Variants in ARL2 observed in about 807,000 individuals in gnomAD.
ARL2 encodes the protein ADP-ribosylation factor-like protein 2.
Under a neutral mutation model 22.0 loss-of-function variants are expected in ARL2, and 11 were observed. The ratio of observed to expected loss-of-function variants is 0.50; its 90% CI spans 0.31 to 0.83. The LOEUF (loss-of-function observed/expected upper bound fraction) is 0.83. Among genes scored for constraint, ARL2 ranks in the 40% least tolerant of loss-of-function variants. The pLI is 0.04. For synonymous variants in ARL2, 111 were observed against 100.8 expected (o/e 1.10, Z -0.61); for missense variants, 216 against 243.2 (o/e 0.89, Z 0.74).
intron 4 of ARL2, among the ~76,000 whole-genome samples, chr11:65,020,755 G>C (rs1168521252): frequency 3.3e-5 from 5 of 151,976 alleles, no homozygotes; most frequent in African/African-American, 1.2e-4. Flanking sequence ...TGTAAGCCCA[G>C]CTACTCAGGA....
At chr11:65,014,398 C>T (rs2136898450) in intron 1 of ARL2, 126 bp downstream of exon 1, 2 of 733,760 alleles carry the variant, frequency 2.7e-6, no homozygotes, top group Middle Eastern at 3.3e-4. Context: ...CGTCACCACG[C>T]GGGCCCCATC....
intron 1 of ARL2, 71 bp downstream of exon 1, chr11:65,014,343 G>T: frequency 7.4e-7 from 1 of 1,351,122 alleles, no homozygotes; most frequent in Non-Finnish European, 9.9e-7. Flanking sequence ...GGCGCCCCCT[G>T]TCGGGAGCGG....
Position 65,018,747 on chromosome 11 carries a change from A to G in ARL2, c.339+14A>G, listed in dbSNP as rs773198920. ...CTGGTGGAGGAGGTGGGCAGCTCCT[A>G]CCCTTTGTGTACATGTATGGACGTG... On this transcript the variant is annotated intron_variant, in intron 3 of 4. Transcript: ENST00000246747. This position sits in a 1 kb window ranked among gnomAD's most constrained non-coding sequence, Gnocchi z 4.2. 1.5e-5 allele frequency: 24 copies of G among 1,613,354 alleles called. 1 individual carries two copies. The Middle Eastern group carries it at 4.9e-4, about 33-fold the overall frequency.
chr11:65,018,249 T>C lies in ARL2; in HGVS notation c.66-115T>C, dbSNP rs751491603. On this transcript the variant is annotated intron_variant, in intron 1 of 4. Transcript: ENST00000246747. This position sits in a 1 kb window ranked among gnomAD's most constrained non-coding sequence, Gnocchi z 4.2. ...ATTGTGGGCCGATTATGGTCAGGCA[T>C]GTGCTCAACTCAGTTTGATACATGG... The C allele has an allele frequency of 5.3e-6, 4 of 761,044 alleles. No individual in the cohort carries two copies. Among genetic ancestry groups the C allele is most frequent in the Admixed American group, 2.7e-5 (1 of 36,984 alleles). 47.1% of individuals were successfully genotyped at this position (761,044 alleles called of 1,614,324 possible).
Position 65,020,487 on chromosome 11 carries a change from C to A in ARL2, c.408C>A (p.Asn136Lys). 1 of 1,610,576 alleles carries A rather than the reference C, an allele frequency of 6.2e-7. No individual in the cohort carries two copies. Among genetic ancestry groups the A allele is most frequent in the Non-Finnish European group, 8.5e-7 (1 of 1,178,276 alleles). ...KQDLPGALSS[N>K]AIREVLELDS... Reference sequence around the variant, plus strand: ...ACCTGCCTGGAGCACTGTCCTCTAACGCCATCCGCGAGGTGAGTCCAGGCC... The same window carrying A: ...ACCTGCCTGGAGCACTGTCCTCTAAAGCCATCCGCGAGGTGAGTCCAGGCC... Residue 136 changes from asparagine (N) to lysine (K), a missense_variant, in exon 4 of 5, where the codon AAC (asparagine) becomes AAA (lysine). Coordinates refer to ENST00000246747, the MANE Select transcript of ARL2 (RefSeq NM_001667.4).
At chr11:65,019,807 A>T (rs1946305765) in intron 3 of ARL2, among the ~76,000 whole-genome samples, 1 of 152,082 alleles carries the variant, frequency 6.6e-6, no homozygotes, top group South Asian at 2.1e-4. Flanking sequence ...GAAAGGGGGG[A>T]TTCTGCAGGC....
At chr11:65,015,899 T>TG (rs151125763) in intron 1 of ARL2, among the ~76,000 whole-genome samples, 3,987 of 152,038 alleles carry the variant, frequency 0.026, 192 homozygotes, top group African/African-American at 0.092. Context: ...CAATTTAGGG[T>TG]GGTCAAAGAA....
chr11:65,016,982 A>G (rs1390708962), intron 1 of ARL2, among the ~76,000 whole-genome samples: 3 of 152,158 alleles, frequency 2.0e-5, no homozygotes, highest in African/African-American at 4.8e-5. Context: ...GCGCTGTCCC[A>G]GCACTAGAGG....
chr11:65,018,644 A>C lies in ARL2; in HGVS notation c.250A>C (p.Thr84Pro), dbSNP rs1431237485. Residue 84 changes from threonine (T) to proline (P), a missense_variant, in exon 3 of 5, where the codon ACC becomes CCC. By Grantham distance (38) the Thr-to-Pro change is conservative. Coordinates refer to ENST00000246747, the MANE Select transcript of ARL2 (RefSeq NM_001667.4). This position sits in a 1 kb window ranked among gnomAD's most constrained non-coding sequence, Gnocchi z 4.2. Reference protein sequence around the residue: ...RSYWRNYFESTDGLIWVVDSA... With the variant: ...RSYWRNYFESPDGLIWVVDSA... ...CTACTGGCGGAACTACTTTGAGAGC[A>C]CCGATGGCCTCATCTGGGTAGTGGA... 1 of 1,614,126 alleles carries C rather than the reference A, an allele frequency of 6.2e-7. No individual in the cohort carries two copies. Among genetic ancestry groups the C allele is most frequent in the East Asian group, 2.2e-5 (1 of 44,868 alleles).
At chr11:65,021,508 G>T (rs935429426) in intron 4 of ARL2, 37 of 509,308 alleles carry the variant, frequency 7.3e-5, no homozygotes, top group African/African-American at 6.8e-4. Flanking sequence ...ACATCACTAA[G>T]GGGCAGCACT....
At chr11:65,015,556 A>G (rs1403813528) in intron 1 of ARL2, among the ~76,000 whole-genome samples, 1 of 151,740 alleles carries the variant, frequency 6.6e-6, no homozygotes, top group Non-Finnish European at 1.5e-5. Context: ...GAAATTCTGT[A>G]ATGCGTGTGT....
In ARL2 at chr11:65,020,323, A is replaced by G. The variant is rs1946312164; in HGVS notation, c.340-96A>G. On this transcript the variant is annotated intron_variant, in intron 3 of 4. Transcript: ENST00000246747. ...CCACGGGGCCTCACCTTGATCTTCCAGGTCGATCCTTCACCCCAGATGCTC... is the reference window on the plus strand; with the variant it reads ...CCACGGGGCCTCACCTTGATCTTCCGGGTCGATCCTTCACCCCAGATGCTC... 2.2e-5 allele frequency: 23 copies of G among 1,044,512 alleles called. No homozygotes were observed. In the South Asian group the frequency reaches 2.4e-4, roughly 11 times the overall value. 64.7% of individuals were successfully genotyped at this position (1,044,512 alleles called of 1,614,324 possible).
Position 65,021,703 on chromosome 11 carries a change from G to T in ARL2, c.421-18G>T. ...CTGCAGTCACTGGCCACCACCATCA[G>T]CACCTTTGTCCTCCCAGGTCCTGGA... On this transcript the variant is annotated intron_variant, in intron 4 of 4. Coordinates refer to ENST00000246747, the MANE Select transcript of ARL2 (RefSeq NM_001667.4). 1 of 1,586,862 alleles carries T rather than the reference G, an allele frequency of 6.3e-7. No homozygotes were observed. Among genetic ancestry groups the T allele is most frequent in the East Asian group, 2.2e-5 (1 of 44,458 alleles).
At chr11:65,014,489 C>T (rs1190352149) in intron 1 of ARL2, among the ~76,000 whole-genome samples, 1 of 152,120 alleles carries the variant, frequency 6.6e-6, no homozygotes, top group Non-Finnish European at 1.5e-5. Context: ...AGCGGTCCTG[C>T]AGGCGCAGCG....
chr11:65,021,040 C>G (rs1167948359), intron 4 of ARL2, among the ~76,000 whole-genome samples: 2 of 152,206 alleles, frequency 1.3e-5, no homozygotes, highest in African/African-American at 4.8e-5. Context: ...TGTTCACAGG[C>G]TAACGGTAGC....
At chr11:65,016,257 A>G (rs1946252920) in intron 1 of ARL2, among the ~76,000 whole-genome samples, 1 of 124,902 alleles carries the variant, frequency 8.0e-6, no homozygotes, top group Non-Finnish European at 1.6e-5. Flanking sequence ...GGGTTGAACC[A>G]TATAGCAATT....
At position 65,018,409 on chromosome 11, in the gene ARL2, T is replaced by C. The variant is rs1946284371; in HGVS notation, c.111T>C (p.Asn37=). ...AGKTTILKKF[N]GEDIDTISPT... Reference sequence around the variant, plus strand: ...AGACAACCATCCTGAAGAAGTTCAATGGGGAGGACATCGACACCATCTCCC... The same window carrying C: ...AGACAACCATCCTGAAGAAGTTCAACGGGGAGGACATCGACACCATCTCCC... The change falls in exon 2 of 5, where the codon AAT becomes AAC. Residue 37 remains asparagine (N), a synonymous_variant. Coordinates refer to ENST00000246747, the MANE Select transcript of ARL2 (RefSeq NM_001667.4). This position sits in a 1 kb window ranked among gnomAD's most constrained non-coding sequence, Gnocchi z 4.2. 1 of 1,609,638 alleles carries C rather than the reference T, an allele frequency of 6.2e-7. No homozygotes were observed. The highest frequency in any genetic ancestry group is 1.7e-5 in the Admixed American group (1 of 59,206).
rs1946333475 is a variant in ARL2, at chr11:65,021,942, A to G, written c.*87A>G. ...ATGGGGGGTTGGGAGTCAGCCGGCC[A>G]AACTAACACTCCCCCTCCTCCACCC... On this transcript the variant is annotated 3_prime_UTR_variant, in exon 5 of 5. Transcript: ENST00000246747. 6.6e-7 allele frequency: 1 copy of G among 1,520,760 alleles called. No individual in the cohort carries two copies. 94.2% of individuals were successfully genotyped at this position (1,520,760 alleles called of 1,614,324 possible).
chr11:65,020,439 C>T lies in ARL2; in HGVS notation c.360C>T (p.Leu120=), dbSNP rs370382116. ...LVEERLAGAT[L]LIFANKQDLP... The stretch of plus-strand genomic sequence containing the variant: ...CCCAGCGCCTGGCCGGAGCAACCCT[C>T]CTCATCTTTGCTAATAAGCAGGACC... The change falls in exon 4 of 5, where the codon CTC becomes CTT. Residue 120 remains leucine (L), a synonymous_variant. Transcript: ENST00000246747. 2.6e-5 allele frequency: 42 copies of T among 1,613,090 alleles called. 1 individual carries two copies. The Middle Eastern group carries it at 1.3e-3, about 51-fold the overall frequency.
Sources: gnomAD v4.1 joint callset for allele counts (sites outside exome capture counted in the v4.1 genomes callset) on GRCh38, gnomAD v4.1.1 for gene constraint, Gnocchi (gnomAD v3.1) non-coding constraint, MANE v1.5 for transcripts, NCBI Gene and HGNC (gene_info 2026-07-23, HGNC 2026-07-21) for gene names.